ADAP1: variants seen among roughly 807,000 people sequenced by gnomAD.
ADAP1 encodes ArfGAP with dual PH domains 1.
A neutral mutation model predicts 54.9 loss-of-function variants in ADAP1; 31 were observed. The ratio of observed to expected loss-of-function variants is 0.56; its 90% CI spans 0.42 to 0.76. The LOEUF is 0.76. Ranked by LOEUF, ADAP1 falls within the 30% of genes least tolerant of loss-of-function variation. The pLI is 0.00. For synonymous variants in ADAP1, 313 were observed against 202.6 expected (o/e 1.55, Z -4.63); for missense variants, 535 against 512.4 (o/e 1.04, Z -0.42).
At chr7:943,201 AGG>A in intron 1 of ADAP1, among the ~76,000 whole-genome samples, 1 of 60,824 alleles carries the variant, frequency 1.6e-5, no homozygotes, top group African/African-American at 6.6e-5. Context: ...AGGAGGAGGA[AGG>A]GAGTGAGGAG....
Position 901,158 on chromosome 7 carries a change from G to A in ADAP1, c.649-542C>T, listed in dbSNP as rs1362531486. 29 of 397,292 alleles carry A rather than the reference G, an allele frequency of 7.3e-5. No individual in the cohort carries two copies. In the Admixed American group the frequency reaches 8.3e-4, roughly 11 times the overall value. The allele number at this position is 397,292 out of a possible 1,614,324, so 24.6% of individuals were successfully genotyped here. On this transcript the variant is annotated intron_variant, in intron 6 of 10. Transcript: ENST00000265846. ...CCGCCCTGGTCCTCTGGAGAGCGTGGGGTGGGCCAGCACCCTGGAACAGAG... is the reference window on the plus strand; with the variant it reads ...CCGCCCTGGTCCTCTGGAGAGCGTGAGGTGGGCCAGCACCCTGGAACAGAG...
intron 6 of ADAP1, among the ~76,000 whole-genome samples, chr7:903,672 CCA>C (rs1844935098): frequency 6.6e-6 from 1 of 151,990 alleles, no homozygotes; most frequent in African/African-American, 2.4e-5. Context: ...CTCCCCGCCG[CCA>C]CACCAAGGGC....
chr7:900,019 G>C (rs1844709532), intron 8 of ADAP1, 83 bp downstream of exon 8: 1 of 1,519,710 alleles, frequency 6.6e-7, no homozygotes, highest in Non-Finnish European at 9.1e-7. Context: ...ACAGGCGGCA[G>C]CTGGCAAGGC....
chr7:945,426 G>T lies in ADAP1; in HGVS notation c.82+8970C>A, dbSNP rs746893631. ...TCCACTCGGGGCACTGAACCGTGGG[G>T]CCGGCCCTGCTTCTGCCCAGGACCA... On this transcript the variant is annotated intron_variant, in intron 1 of 10. Transcript: ENST00000265846. This position sits in a 1 kb window ranked among gnomAD's most constrained non-coding sequence, Gnocchi z 4.2. Among the ~76,000 whole-genome samples the T allele has an allele frequency of 2.0e-5, 3 of 152,230 alleles. No homozygotes were observed. Among genetic ancestry groups the T allele is most frequent in the Non-Finnish European group, 4.4e-5 (3 of 68,028 alleles).
rs200271924 is a variant in ADAP1 at position 910,784 on chromosome 7, A to G, written c.389-5612T>C. 1.1e-4 allele frequency among the ~76,000 whole-genome samples: 16 copies of G among 152,252 alleles called. No homozygotes were observed. In the South Asian group the frequency reaches 2.9e-3, roughly 28 times the overall value. Reference sequence around the variant, plus strand: ...TCTGGCCTTCCACAGGGAGGGGTGCACCATGGATGGGTGGCCTCTGAGAAC... The same window carrying G: ...TCTGGCCTTCCACAGGGAGGGGTGCGCCATGGATGGGTGGCCTCTGAGAAC... On this transcript the variant is annotated intron_variant, in intron 4 of 10. Coordinates refer to ENST00000265846, the MANE Select transcript of ADAP1 (RefSeq NM_006869.4).
chr7:943,255 G>A (rs202170432), intron 1 of ADAP1, among the ~76,000 whole-genome samples: 15 of 11,900 alleles, frequency 1.3e-3, no homozygotes, highest in East Asian at 0.01. Flanking sequence ...GAGGAGGAAG[G>A]GAGAGGAGGA....
rs200345753 is a variant in ADAP1, at chr7:926,202, CG to C, written c.305+350del. ...CGCCCTGAGGAGCCAGGGCAGGCCC[CG>C]AAACAACAGCCGCCCCTCCCGTTCC... On this transcript the variant is annotated intron_variant, in intron 3 of 10. Transcript: ENST00000265846. The surrounding 1 kb of genome is among the most constrained non-coding windows in gnomAD (Gnocchi z 4.6). 7.9e-6 allele frequency among the ~76,000 whole-genome samples: 1 copy of C among 126,638 alleles called. No homozygotes were observed. Among genetic ancestry groups the C allele is most frequent in the Non-Finnish European group, 1.7e-5 (1 of 57,540 alleles). The allele number at this position is 126,638 out of a possible 152,430, so 83.1% of individuals were successfully genotyped here. A position where few individuals can be genotyped will look rare whatever the true frequency, so the allele number is the denominator to read the frequency against.
intron 1 of ADAP1, 86 bp from the exon 2 acceptor site, chr7:935,591 G>A (rs1846727553): frequency 4.7e-6 from 7 of 1,497,910 alleles, no homozygotes; most frequent in Non-Finnish European, 6.3e-6. Flanking sequence ...AGGAGCCCCC[G>A]GCCATGCAGT....
rs1846131012 is a variant in ADAP1, at chr7:920,129, T to G, written c.306-79A>C. On this transcript the variant is annotated intron_variant, in intron 3 of 10. Transcript: ENST00000265846. The surrounding 1 kb of genome is among the most constrained non-coding windows in gnomAD (Gnocchi z 4.5). The stretch of plus-strand genomic sequence containing the variant: ...ACACGCCGCTCTCTGGCCCGGACCC[T>G]GGACATCTCAAGAGGCTCATAGGGA... The G allele has an allele frequency of 2.2e-6, 3 of 1,366,698 alleles. No homozygotes were observed. Among genetic ancestry groups the G allele is most frequent in the East Asian group, 2.4e-5 (1 of 41,846 alleles). 84.7% of individuals were successfully genotyped at this position (1,366,698 alleles called of 1,614,324 possible).
chr7:900,598 T>C lies in ADAP1; in HGVS notation c.667A>G (p.Asn223Asp), dbSNP rs1395176220. Residue 223 changes from asparagine (N) to aspartate (D), a missense_variant, in exon 7 of 11, where the codon AAT (asparagine) becomes GAT (aspartate). Asn to Asp is a conservative substitution (Grantham distance 23). Coordinates refer to ENST00000265846, the MANE Select transcript of ADAP1 (RefSeq NM_006869.4). ...TGGAAGCGAGCAGCTCGGAGTGCATTGAACCAGTCCACAATCTCCTAGGGG... is the reference window on the plus strand; with the variant it reads ...TGGAAGCGAGCAGCTCGGAGTGCATCGAACCAGTCCACAATCTCCTAGGGG... ...EDGKEIVDWF[N>D]ALRAARFHYL... The C allele has an allele frequency of 1.9e-6, 3 of 1,607,096 alleles. No homozygotes were observed. Among genetic ancestry groups the C allele is most frequent in the Non-Finnish European group, 2.5e-6 (3 of 1,178,254 alleles).
At chr7:915,229 A>G (rs74627838) in intron 4 of ADAP1, among the ~76,000 whole-genome samples, 10 of 150,640 alleles carry the variant, frequency 6.6e-5, no homozygotes, top group East Asian at 2.0e-4. Context: ...CTGCACTCAC[A>G]CCTGCACACC....
chr7:939,821 A>G (rs1465055426), intron 1 of ADAP1, among the ~76,000 whole-genome samples: 1 of 146,378 alleles, frequency 6.8e-6, no homozygotes, highest in Non-Finnish European at 1.5e-5. Context: ...ACAGAGTGAG[A>G]CTTTGTCTCA....
At chr7:937,176 C>T (rs1366585102) in intron 1 of ADAP1, among the ~76,000 whole-genome samples, 66 of 78,452 alleles carry the variant, frequency 8.4e-4, no homozygotes, top group African/African-American at 3.3e-3. Context: ...GGGTCACGCC[C>T]GACCTCTGGG....
chr7:914,197 C>T (rs1009643187), intron 4 of ADAP1, among the ~76,000 whole-genome samples: 1 of 152,186 alleles, frequency 6.6e-6, no homozygotes, highest in Non-Finnish European at 1.5e-5. Context: ...TGCAGCCACT[C>T]CTCTGTGCAG....
intron 7 of ADAP1, 69 bp downstream of exon 7, chr7:900,464 A>AG: frequency 6.8e-7 from 1 of 1,477,754 alleles, no homozygotes; most frequent in South Asian, 1.2e-5. Context: ...TCAGGGCACG[A>AG]GGGCTCCGTC....
intron 1 of ADAP1, among the ~76,000 whole-genome samples, chr7:953,853 A>G (rs1223500589): frequency 6.6e-6 from 1 of 152,036 alleles, no homozygotes; most frequent in African/African-American, 2.4e-5. Context: ...CCCAGGCCTC[A>G]CCTGTCCTGG....
At chr7:923,294 C>T (rs546017358) in intron 3 of ADAP1, 2 of 152,146 alleles carry the variant, frequency 1.3e-5, no homozygotes, top group Admixed American at 6.5e-5. Flanking sequence ...GGCTCCAGGG[C>T]TTCGCTGGGA....
chr7:951,426 G>A (rs530807974), intron 1 of ADAP1, among the ~76,000 whole-genome samples: 1 of 152,028 alleles, frequency 6.6e-6, no homozygotes, highest in South Asian at 2.1e-4. Flanking sequence ...GGGAGTGAAG[G>A]GAGTCTGCCC....
chr7:911,236 C>G (rs1282194110), intron 4 of ADAP1, among the ~76,000 whole-genome samples: 1 of 152,176 alleles, frequency 6.6e-6, no homozygotes, highest in African/African-American at 2.4e-5. Context: ...GGGGTCAGCT[C>G]TCACCCTGTT....
Sources: gnomAD v4.1 joint callset for allele counts (sites outside exome capture counted in the v4.1 genomes callset) on GRCh38, gnomAD v4.1.1 for gene constraint, Gnocchi (gnomAD v3.1) non-coding constraint, MANE v1.5 for transcripts, NCBI Gene and HGNC (gene_info 2026-07-23, HGNC 2026-07-21) for gene names.